The following PPP3R1 variants were observed in gnomAD, a reference collection of about 807,000 sequenced individuals.
PPP3R1 encodes the protein protein phosphatase 3 regulatory subunit B, alpha, also known as calcineurin subunit B type 1.
PPP3R1 carries 5 observed loss-of-function variants against 22.6 expected under a neutral mutation model. That is an observed-to-expected ratio of 0.22 (90% CI 0.12 to 0.46). PPP3R1 has a LOEUF of 0.46. Among genes scored for constraint, PPP3R1 ranks in the 20% least tolerant of loss-of-function variants. PPP3R1 has a pLI of 0.99. For missense variants in PPP3R1, 61 were observed against 203.2 expected, an observed-to-expected ratio of 0.30 and a Z score of 4.25; for synonymous variants, 56 against 65.2, an observed-to-expected ratio of 0.86 and a Z score of 0.68.
chr2:68,238,604 A>G (rs934039370), intron 1 of PPP3R1, among the ~76,000 whole-genome samples: 5 of 152,210 alleles, frequency 3.3e-5, no homozygotes, highest in African/African-American at 1.2e-4. Context: ...AAGCATTGAC[A>G]TAAGATTTCC....
intron 1 of PPP3R1, among the ~76,000 whole-genome samples, chr2:68,231,847 G>C (rs1669907645): frequency 6.6e-6 from 1 of 152,002 alleles, no homozygotes; most frequent in Admixed American, 6.6e-5. Flanking sequence ...AAACAGTCAA[G>C]ACAGGTAATG....
intron 1 of PPP3R1, among the ~76,000 whole-genome samples, chr2:68,247,535 G>A (rs1050220493): frequency 6.6e-6 from 1 of 152,186 alleles, no homozygotes; most frequent in African/African-American, 2.4e-5. Context: ...ATTGAAATTG[G>A]AGTCTTGCAA....
rs568282893 is a variant in PPP3R1 at position 68,234,822 on chromosome 2, T to C, written c.3+17303A>G. 2.0e-5 allele frequency among the ~76,000 whole-genome samples: 3 copies of C among 152,316 alleles called. No homozygotes were observed. The South Asian group carries it at 6.2e-4, about 32-fold the overall frequency. ...AATGATATATGTATGGCATTTTCAA[T>C]AATTATAATTGAGAAAGTAATCTCA... On this transcript the variant is annotated intron_variant, in intron 1 of 5. Transcript: ENST00000234310.
intron 2 of PPP3R1, among the ~76,000 whole-genome samples, chr2:68,198,245 GTACA>G (rs1457357603): frequency 5.1e-5 from 7 of 137,720 alleles, no homozygotes; most frequent in East Asian, 2.1e-4. Flanking sequence ...ATACACATAT[GTACA>G]TACATATGTA....
chr2:68,216,816 G>GT (rs777448472), intron 2 of PPP3R1, among the ~76,000 whole-genome samples: 18 of 152,094 alleles, frequency 1.2e-4, no homozygotes, highest in Non-Finnish European at 2.4e-4. Context: ...CTTCTGTTAG[G>GT]TTAAGACACT....
chr2:68,208,104 G>C (rs1339788067), intron 2 of PPP3R1, among the ~76,000 whole-genome samples: 1 of 152,152 alleles, frequency 6.6e-6, no homozygotes, highest in African/African-American at 2.4e-5. Flanking sequence ...AGTGAGCCGA[G>C]ACCACGCCAT....
intron 1 of PPP3R1, among the ~76,000 whole-genome samples, chr2:68,248,831 C>G (rs1011799913): frequency 3.9e-5 from 6 of 152,182 alleles, no homozygotes; most frequent in African/African-American, 1.4e-4. Context: ...TCTTAAATTT[C>G]TATCATGCTT....
chr2:68,180,835 G>T lies in PPP3R1; in HGVS notation c.*128C>A. ...TAGTTGGCTTCATGAGGCTCATGTT[G>T]GAAAATGTGGCTTCACAGAGAAAAA... On this transcript the variant is annotated 3_prime_UTR_variant, in exon 6 of 6. Transcript: ENST00000234310. The T allele has an allele frequency of 1.1e-6, 1 of 942,800 alleles. No individual in the cohort carries two copies. Among genetic ancestry groups the T allele is most frequent in the Non-Finnish European group, 1.6e-6 (1 of 618,590 alleles). 58.4% of individuals were successfully genotyped at this position (942,800 alleles called of 1,614,324 possible).
intron 1 of PPP3R1, among the ~76,000 whole-genome samples, chr2:68,225,369 T>C (rs1669762878): frequency 6.6e-6 from 1 of 152,182 alleles, no homozygotes. Flanking sequence ...CCACATGGCA[T>C]TGAATGCAGG....
chr2:68,239,037 C>T (rs966102762), intron 1 of PPP3R1, among the ~76,000 whole-genome samples: 2 of 151,674 alleles, frequency 1.3e-5, no homozygotes, highest in East Asian at 1.9e-4. Context: ...AAGGTACAGA[C>T]GAAAGTAACA....
intron 1 of PPP3R1, among the ~76,000 whole-genome samples, chr2:68,230,635 T>C (rs1160382695): frequency 7.2e-6 from 1 of 138,960 alleles, no homozygotes; most frequent in Non-Finnish European, 1.6e-5. Context: ...TTCCTGATGT[T>C]CCAAGATTCT....
Position 68,179,625 on chromosome 2 carries a change from T to G in PPP3R1, c.*1338A>C, listed in dbSNP as rs1196709358. 1 of 152,172 alleles carries G rather than the reference T, an allele frequency of 6.6e-6. No homozygotes were observed. Among genetic ancestry groups the G allele is most frequent in the Non-Finnish European group, 1.5e-5 (1 of 68,024 alleles). 9.4% of individuals were successfully genotyped at this position (152,172 alleles called of 1,614,324 possible). ...CTAACCAAAATGTTTTTCTTCCAGC[T>G]AACAGTACCTTTGCAGAAATGGGAA... On this transcript the variant is annotated 3_prime_UTR_variant, in exon 6 of 6. Transcript: ENST00000234310.
intron 2 of PPP3R1, among the ~76,000 whole-genome samples, chr2:68,202,865 T>C (rs1212946487): frequency 7.5e-6 from 1 of 134,180 alleles, no homozygotes; most frequent in Non-Finnish European, 1.5e-5. Context: ...TGCAGTGGCA[T>C]GATCTCAGCT....
chr2:68,252,008 TC>T, intron 1 of PPP3R1, 116 bp downstream of exon 1: 1 of 1,049,392 alleles, frequency 9.5e-7, no homozygotes, highest in Non-Finnish European at 1.2e-6. Flanking sequence ...CGGGCCCGGG[TC>T]TCTGGAATTT....
chr2:68,239,618 C>T (rs1169303138), intron 1 of PPP3R1, among the ~76,000 whole-genome samples: 2 of 151,938 alleles, frequency 1.3e-5, no homozygotes, highest in African/African-American at 2.4e-5. Flanking sequence ...AACGATGTGG[C>T]CTGAAAAATA....
chr2:68,186,903 A>G (rs911862778), intron 4 of PPP3R1, among the ~76,000 whole-genome samples: 1 of 152,206 alleles, frequency 6.6e-6, no homozygotes, highest in Non-Finnish European at 1.5e-5. Context: ...CAGTTTCTAC[A>G]CAGATAAAAC....
intron 2 of PPP3R1, among the ~76,000 whole-genome samples, chr2:68,214,875 T>G (rs1003586684): frequency 6.6e-6 from 1 of 152,116 alleles, no homozygotes; most frequent in Non-Finnish European, 1.5e-5. Context: ...AGCAAAGATA[T>G]GGAATAAACC....
chr2:68,215,242 A>G (rs1006738517), intron 2 of PPP3R1, among the ~76,000 whole-genome samples: 4 of 152,166 alleles, frequency 2.6e-5, no homozygotes, highest in African/African-American at 7.2e-5. Flanking sequence ...CACACAGTTT[A>G]TCCATATAAC....
intron 1 of PPP3R1, among the ~76,000 whole-genome samples, chr2:68,239,468 G>GA (rs1403339756): frequency 1.3e-5 from 2 of 152,028 alleles, no homozygotes; most frequent in Admixed American, 1.3e-4. Context: ...TTTCCATTAA[G>GA]AAAAAAACAG....
Sources: allele counts gnomAD v4.1 joint callset (sites outside exome capture counted in the v4.1 genomes callset), GRCh38; gene constraint gnomAD v4.1.1; transcripts MANE v1.5; gene names NCBI Gene and HGNC (gene_info 2026-07-23, HGNC 2026-07-21).